The following SUCLG2 variants were observed in gnomAD, a reference collection of about 807,000 sequenced individuals.
The protein encoded by SUCLG2 is succinate-CoA ligase GDP-forming subunit beta.
A neutral mutation model predicts 47.9 loss-of-function variants in SUCLG2; 42 were observed. That is an observed-to-expected ratio of 0.88 (90% CI 0.69 to 1.14). The LOEUF (loss-of-function observed/expected upper bound fraction) is 1.14, where lower values mean the gene tolerates loss of function less well. Ranked by LOEUF, SUCLG2 falls within the 50% of genes most tolerant of loss-of-function variation. The probability of loss-of-function intolerance (pLI) is 0.00; values close to 1 mark genes in which losing one functional copy is unlikely to be tolerated. For missense variants in SUCLG2, 571 were observed against 525.9 expected, an observed-to-expected ratio of 1.09 and a Z score of -0.84; for synonymous variants, 195 against 197.3, an observed-to-expected ratio of 0.99 and a Z score of 0.10.
At chr3:67,407,355 T>A (rs1369311352) in intron 9 of SUCLG2, among the ~76,000 whole-genome samples, 1 of 152,230 alleles carries the variant, frequency 6.6e-6, no homozygotes, top group Non-Finnish European at 1.5e-5. Flanking sequence ...TTCTTTGTTG[T>A]GTTATTTTCT....
chr3:67,404,968 ATT>A (rs35223699), intron 9 of SUCLG2, among the ~76,000 whole-genome samples: 13 of 134,778 alleles, frequency 9.6e-5, no homozygotes, highest in African/African-American at 2.5e-4. Context: ...GGCAAAGAGA[ATT>A]TTTTTTTTTT....
intron 10 of SUCLG2, among the ~76,000 whole-genome samples, chr3:67,396,255 C>G (rs1262258610): frequency 2.6e-5 from 4 of 151,786 alleles, no homozygotes; most frequent in Admixed American, 6.6e-5. Flanking sequence ...AAAGGATCAA[C>G]AAAATTGATA....
chr3:67,401,087 A>G (rs922038406), intron 9 of SUCLG2, among the ~76,000 whole-genome samples: 8 of 152,154 alleles, frequency 5.3e-5, no homozygotes, highest in Non-Finnish European at 1.0e-4. Flanking sequence ...CACTCTTTTC[A>G]ACTCAAAATG....
chr3:67,547,144 T>C (rs558373677), intron 2 of SUCLG2, among the ~76,000 whole-genome samples: 78 of 152,226 alleles, frequency 5.1e-4, no homozygotes, highest in African/African-American at 1.6e-3. Context: ...ATGGGATTAG[T>C]GCCCTTCTAA....
chr3:67,560,830 G>C (rs1707289890), intron 2 of SUCLG2, among the ~76,000 whole-genome samples: 1 of 151,650 alleles, frequency 6.6e-6, no homozygotes, highest in African/African-American at 2.4e-5. Context: ...TTCAGGTTAG[G>C]AAACAGCAAG....
chr3:67,377,574 C>T (rs934271231), intron 10 of SUCLG2, among the ~76,000 whole-genome samples: 1 of 152,200 alleles, frequency 6.6e-6, no homozygotes, highest in South Asian at 2.1e-4. Flanking sequence ...TCTTCACACT[C>T]GGTTTTCCTT....
At chr3:67,518,910 A>C (rs935893564) in intron 5 of SUCLG2, among the ~76,000 whole-genome samples, 1 of 152,184 alleles carries the variant, frequency 6.6e-6, no homozygotes, top group African/African-American at 2.4e-5. Flanking sequence ...TGTTGTTGGT[A>C]AGTCTGCATA....
At chr3:67,534,831 C>A (rs2107160120) in intron 2 of SUCLG2, among the ~76,000 whole-genome samples, 1 of 108,736 alleles carries the variant, frequency 9.2e-6, no homozygotes, top group Non-Finnish European at 1.8e-5. Flanking sequence ...ACACCTGTAA[C>A]TAATTAAAGA....
At chr3:67,507,335 G>C (rs1312457427) in intron 7 of SUCLG2, among the ~76,000 whole-genome samples, 1 of 152,098 alleles carries the variant, frequency 6.6e-6, no homozygotes, top group Non-Finnish European at 1.5e-5. Flanking sequence ...ATCTTTGCTT[G>C]TTCTCGTCTG....
At chr3:67,606,786 A>G (rs945030420) in intron 2 of SUCLG2, among the ~76,000 whole-genome samples, 4 of 152,240 alleles carry the variant, frequency 2.6e-5, no homozygotes, top group East Asian at 3.8e-4. Context: ...ATTTCTTTCT[A>G]GAACATAAAT....
intron 6 of SUCLG2, among the ~76,000 whole-genome samples, chr3:67,509,365 A>C (rs889285825): frequency 6.6e-6 from 1 of 152,242 alleles, no homozygotes; most frequent in Non-Finnish European, 1.5e-5. Context: ...ACAATTACTG[A>C]GTGTCTAATG....
chr3:67,487,617 T>C (rs1288544549), intron 9 of SUCLG2, among the ~76,000 whole-genome samples: 1 of 151,704 alleles, frequency 6.6e-6, no homozygotes, highest in South Asian at 2.1e-4. Flanking sequence ...TAAAGAGGCA[T>C]TACAAATGCT....
At chr3:67,513,503 C>T (rs1158936908) in intron 6 of SUCLG2, among the ~76,000 whole-genome samples, 1 of 151,002 alleles carries the variant, frequency 6.6e-6, no homozygotes, top group African/African-American at 2.4e-5. Context: ...AATGACAAAC[C>T]CTTGTAAGAT....
chr3:67,461,549 TCTAGTA>T (rs968762667), intron 9 of SUCLG2, among the ~76,000 whole-genome samples: 3 of 151,672 alleles, frequency 2.0e-5, no homozygotes, highest in Admixed American at 6.6e-5. Context: ...GGACCTTCCA[TCTAGTA>T]CTAGTACTAG....
At chr3:67,557,604 G>A (rs911581279) in intron 2 of SUCLG2, among the ~76,000 whole-genome samples, 8 of 152,066 alleles carry the variant, frequency 5.3e-5, no homozygotes, top group African/African-American at 7.2e-5. Flanking sequence ...ACCACATTAG[G>A]GAAACTGAAC....
intron 2 of SUCLG2, among the ~76,000 whole-genome samples, chr3:67,577,457 A>C (rs939013923): frequency 6.6e-6 from 1 of 152,252 alleles, no homozygotes; most frequent in African/African-American, 2.4e-5. Flanking sequence ...AGAGAAAAAA[A>C]ACGAATTGCA....
At chr3:67,557,688 T>C (rs1043568422) in intron 2 of SUCLG2, among the ~76,000 whole-genome samples, 3 of 152,202 alleles carry the variant, frequency 2.0e-5, no homozygotes, top group African/African-American at 4.8e-5. Context: ...GTGGTTTCCA[T>C]GGTCCATGGC....
chr3:67,366,682 CCT>C (rs1701880374), intron 10 of SUCLG2, among the ~76,000 whole-genome samples: 1 of 152,174 alleles, frequency 6.6e-6, no homozygotes, highest in South Asian at 2.1e-4. Context: ...ATATTTGCAG[CCT>C]GAGCACTCAT....
At chr3:67,588,975 G>A (rs1366098906) in intron 2 of SUCLG2, among the ~76,000 whole-genome samples, 1 of 152,118 alleles carries the variant, frequency 6.6e-6, no homozygotes, top group Non-Finnish European at 1.5e-5. Flanking sequence ...CCCTTACAGG[G>A]TCTACAAGGC....
Sources: allele counts gnomAD v4.1 joint callset (sites outside exome capture counted in the v4.1 genomes callset), GRCh38; gene constraint gnomAD v4.1.1; transcripts MANE v1.5; gene names NCBI Gene and HGNC (gene_info 2026-07-23, HGNC 2026-07-21).